The following XKR4 variants were observed in gnomAD, a reference collection of about 807,000 sequenced individuals.
The protein encoded by XKR4 is XK-related protein 4.
Under a neutral mutation model 53.9 loss-of-function variants are expected in XKR4, and 12 were observed. The ratio of observed to expected loss-of-function variants is 0.22; its 90% CI spans 0.14 to 0.36. The LOEUF is 0.36. Among genes scored for constraint, XKR4 ranks in the 10% least tolerant of loss-of-function variants. The pLI is 1.00. For missense variants in XKR4, 799 were observed against 859.5 expected (o/e 0.93, Z 0.88); for synonymous variants, 354 against 362.4 (o/e 0.98, Z 0.26).
intron 1 of XKR4, among the ~76,000 whole-genome samples, chr8:55,152,081 T>C (rs1816847445): frequency 6.6e-6 from 1 of 152,138 alleles, no homozygotes; most frequent in Admixed American, 6.5e-5. Context: ...AGCAGCAAGA[T>C]CCACTTAAAT....
In XKR4 at chr8:55,303,660, T is replaced by G. The variant is rs1430979365; in HGVS notation, c.807-54018T>G. 5.9e-5 allele frequency among the ~76,000 whole-genome samples: 9 copies of G among 152,344 alleles called. No individual in the cohort carries two copies. In the South Asian group the frequency reaches 1.0e-3, roughly 18 times the overall value. ...TTTTGGTTGGTAAGCTATTGATTAT[T>G]GCCACAATTTCAGAGCCTGTTATTG... is the stretch of plus-strand genomic sequence containing the variant. On this transcript the variant is annotated intron_variant, in intron 1 of 2. Coordinates refer to ENST00000327381, the MANE Select transcript of XKR4 (RefSeq NM_052898.2).
intron 2 of XKR4, among the ~76,000 whole-genome samples, chr8:55,510,581 C>A (rs1806611436): frequency 6.6e-6 from 1 of 152,056 alleles, no homozygotes; most frequent in South Asian, 2.1e-4. Flanking sequence ...TCCACTCTCC[C>A]AAAGCCCTGC....
intron 2 of XKR4, among the ~76,000 whole-genome samples, chr8:55,365,555 A>G (rs1451711862): frequency 6.6e-6 from 1 of 152,106 alleles, no homozygotes; most frequent in Non-Finnish European, 1.5e-5. Flanking sequence ...AATTACAAAA[A>G]AATTAGCCGG....
chr8:55,308,863 T>G (rs145780350), intron 1 of XKR4, among the ~76,000 whole-genome samples: 12 of 152,330 alleles, frequency 7.9e-5, no homozygotes, highest in Non-Finnish European at 1.6e-4. Flanking sequence ...TAAAGTTGCA[T>G]GGAATTAAGA....
chr8:55,283,847 C>T (rs1585985792), intron 1 of XKR4, among the ~76,000 whole-genome samples: 1 of 152,154 alleles, frequency 6.6e-6, no homozygotes, highest in East Asian at 1.9e-4. Flanking sequence ...GCTCATTTCA[C>T]AATGATGCTA....
intron 2 of XKR4, among the ~76,000 whole-genome samples, chr8:55,442,842 G>A (rs1805290047): frequency 6.6e-6 from 1 of 152,198 alleles, no homozygotes; most frequent in Non-Finnish European, 1.5e-5. Flanking sequence ...GGGAGTGACT[G>A]CTAATAGAAA....
intron 1 of XKR4, among the ~76,000 whole-genome samples, chr8:55,134,942 A>G (rs1816603505): frequency 9.6e-6 from 1 of 103,666 alleles, no homozygotes; most frequent in African/African-American, 3.7e-5. Context: ...TAGTAAATGG[A>G]GAAGCTGGAT....
intron 2 of XKR4, among the ~76,000 whole-genome samples, chr8:55,384,451 T>C (rs941221618): frequency 1.3e-5 from 2 of 152,208 alleles, no homozygotes; most frequent in Admixed American, 6.5e-5. Flanking sequence ...AAAAATGTCC[T>C]AGAAATAGTA....
rs539257924 is a variant in XKR4, at chr8:55,422,477, T to A, written c.1006+64600T>A. On this transcript the variant is annotated intron_variant, in intron 2 of 2. Transcript: ENST00000327381. ...AGAGGATTTGATTTGGTCCGTGAGA[T>A]GAATATTGCAACATGTACTGGCTGC... Among the ~76,000 whole-genome samples the A allele has an allele frequency of 2.6e-5, 4 of 152,304 alleles. 1 individual carries two copies. The South Asian group carries it at 8.3e-4, about 32-fold the overall frequency.
chr8:55,485,357 TCC>T (rs1806176510), intron 2 of XKR4, among the ~76,000 whole-genome samples: 1 of 151,932 alleles, frequency 6.6e-6, no homozygotes, highest in Non-Finnish European at 1.5e-5. Flanking sequence ...GAACAAAAAA[TCC>T]CAAGGAATAT....
chr8:55,361,062 C>T (rs1195660514), intron 2 of XKR4, among the ~76,000 whole-genome samples: 1 of 152,232 alleles, frequency 6.6e-6, no homozygotes, highest in East Asian at 1.9e-4. Context: ...GGACATATTA[C>T]AGGGCAGCAG....
At chr8:55,194,763 A>G (rs546822391) in intron 1 of XKR4, among the ~76,000 whole-genome samples, 2 of 152,292 alleles carry the variant, frequency 1.3e-5, no homozygotes, top group South Asian at 4.1e-4. Context: ...AAAACCTCTC[A>G]GGTGTCAAAC....
intron 2 of XKR4, among the ~76,000 whole-genome samples, chr8:55,459,999 T>C (rs1805628147): frequency 7.1e-6 from 1 of 140,430 alleles, no homozygotes; most frequent in African/African-American, 2.6e-5. Flanking sequence ...TTATTCATAA[T>C]AGCCAAATGC....
intron 1 of XKR4, among the ~76,000 whole-genome samples, chr8:55,147,213 T>C (rs1039969920): frequency 6.6e-6 from 1 of 152,144 alleles, no homozygotes; most frequent in Non-Finnish European, 1.5e-5. Context: ...ACATGTGCTG[T>C]GACTCAAACA....
rs1455226150 is a variant in XKR4 at position 55,480,372 on chromosome 8, CAATT to C, written c.1007-42903_1007-42900del. Among the ~76,000 whole-genome samples the C allele has an allele frequency of 1.4e-4, 22 of 152,304 alleles. 1 individual carries two copies. The Middle Eastern group carries it at 0.01, about 71-fold the overall frequency. On this transcript the variant is annotated intron_variant, in intron 2 of 2. Coordinates refer to ENST00000327381, the MANE Select transcript of XKR4 (RefSeq NM_052898.2). ...AATAACGCTTCATGCTAAAAACTCT[CAATT>C]AATTAGGTATTGTTGGGACGTATCT... is the stretch of plus-strand genomic sequence containing the variant.
chr8:55,160,177 G>A (rs190290972), intron 1 of XKR4, among the ~76,000 whole-genome samples: 3 of 152,324 alleles, frequency 2.0e-5, no homozygotes, highest in African/African-American at 7.2e-5. Flanking sequence ...CATTGGCGTG[G>A]TTGTATTTTT....
chr8:55,426,191 A>G lies in XKR4; in HGVS notation c.1006+68314A>G, dbSNP rs148221506. Among the ~76,000 whole-genome samples, 13 of 152,344 alleles carry G rather than the reference A, an allele frequency of 8.5e-5. No individual in the cohort carries two copies. In the East Asian group the frequency reaches 2.5e-3, roughly 29 times the overall value. ...TCTATACTTGAGTTGAAAAGAATTT[A>G]ACTTTTCAAACTTAGATATGGACAA... On this transcript the variant is annotated intron_variant, in intron 2 of 2. Coordinates refer to ENST00000327381, the MANE Select transcript of XKR4 (RefSeq NM_052898.2).
At chr8:55,380,362 T>A (rs994726402) in intron 2 of XKR4, among the ~76,000 whole-genome samples, 3 of 151,894 alleles carry the variant, frequency 2.0e-5, no homozygotes, top group African/African-American at 7.3e-5. Flanking sequence ...TCAAAAAGAG[T>A]TTAGTGTAAG....
chr8:55,490,936 C>G (rs1472460800), intron 2 of XKR4, among the ~76,000 whole-genome samples: 1 of 151,904 alleles, frequency 6.6e-6, no homozygotes, highest in Non-Finnish European at 1.5e-5. Context: ...TTCTGCCCCC[C>G]CCCCACCTTT....
Sources: gnomAD v4.1 joint callset for allele counts (sites outside exome capture counted in the v4.1 genomes callset) on GRCh38, gnomAD v4.1.1 for gene constraint, MANE v1.5 for transcripts, NCBI Gene and HGNC (gene_info 2026-07-23, HGNC 2026-07-21) for gene names.